The following SLIT1 variants were observed in gnomAD, a reference collection of about 807,000 sequenced individuals.
The protein encoded by SLIT1 is slit homolog 1 protein.
Under a neutral mutation model 186.1 loss-of-function variants are expected in SLIT1, and 66 were observed. That is an observed-to-expected ratio of 0.35 (90% CI 0.29 to 0.44). The LOEUF is 0.44. Ranked by LOEUF, SLIT1 falls within the 20% of genes least tolerant of loss-of-function variation. The pLI, the probability that SLIT1 is intolerant of heterozygous loss-of-function variation, is 1.00. For synonymous variants in SLIT1, 761 were observed against 833.8 expected (o/e 0.91, Z 1.50); for missense variants, 1,638 against 2,037.4 (o/e 0.80, Z 3.77).
chr10:97,155,586 T>C (rs979173986), intron 4 of SLIT1, among the ~76,000 whole-genome samples: 4 of 152,052 alleles, frequency 2.6e-5, no homozygotes, highest in Admixed American at 6.6e-5. Context: ...GTCTTGGAGA[T>C]TTTAAAATCA....
chr10:97,005,933 T>A (rs867336078), intron 32 of SLIT1, among the ~76,000 whole-genome samples: 2 of 152,206 alleles, frequency 1.3e-5, no homozygotes, highest in East Asian at 3.8e-4. Flanking sequence ...CTGTGCAATA[T>A]AAACCACTCT....
At chr10:97,173,897 G>A (rs185860372) in intron 1 of SLIT1, among the ~76,000 whole-genome samples, 1 of 152,166 alleles carries the variant, frequency 6.6e-6, no homozygotes, top group Non-Finnish European at 1.5e-5. Flanking sequence ...CTTGGCCCAG[G>A]GGGTAGAAGA....
chr10:97,019,621 G>T (rs1239238563), intron 26 of SLIT1, among the ~76,000 whole-genome samples: 2 of 152,282 alleles, frequency 1.3e-5, no homozygotes, highest in East Asian at 3.9e-4. Context: ...GGGAGCAGGG[G>T]TTGTTACCCT....
Position 97,001,012 on chromosome 10 carries a change from T to C in SLIT1, c.*100A>G. The C allele has an allele frequency of 1.1e-6, 1 of 950,474 alleles. No individual in the cohort carries two copies. The highest frequency in any genetic ancestry group is 1.6e-6 in the Non-Finnish European group (1 of 619,750). 58.9% of individuals were successfully genotyped at this position (950,474 alleles called of 1,614,324 possible). On this transcript the variant is annotated 3_prime_UTR_variant, in exon 37 of 37. Coordinates refer to ENST00000266058, the MANE Select transcript of SLIT1 (RefSeq NM_003061.3). ...GGGCCCAGCTGCCCAGGAGCCGTCC[T>C]GTGATGACCTGCACCCCAGCCCAGC...
chr10:97,046,915 C>A, intron 17 of SLIT1, 76 bp downstream of exon 17: 1 of 1,558,386 alleles, frequency 6.4e-7, no homozygotes, highest in Non-Finnish European at 8.8e-7. Flanking sequence ...GTGGGAGCTG[C>A]CCCCACCCTG....
At chr10:97,123,479 T>C (rs1427987581) in intron 4 of SLIT1, among the ~76,000 whole-genome samples, 1 of 152,154 alleles carries the variant, frequency 6.6e-6, no homozygotes, top group Non-Finnish European at 1.5e-5. Flanking sequence ...ACAAGCCCAA[T>C]GCTAGGCAAA....
Position 97,060,729 on chromosome 10 carries a change from G to A in SLIT1, c.852C>T (p.Ala284=), listed in dbSNP as rs1161370581. Residue 284 remains alanine, a synonymous_variant, in exon 9 of 37, where the codon GCC becomes GCT. Transcript: ENST00000266058. ...CGATGCCATTGCTGCAGGTGCACAT[G>A]GCCGGGCAGGAGCCGGAGGACAGGG... The part of the protein sequence containing the change: ...TCTLSSGSCP[A]MCTCSNGIVD... The A allele has an allele frequency of 4.3e-6, 7 of 1,613,712 alleles. No homozygotes were observed. The highest frequency in any genetic ancestry group is 5.9e-6 in the Non-Finnish European group (7 of 1,179,984).
intron 34 of SLIT1, 150 bp downstream of exon 34, chr10:97,003,918 A>G (rs1228902673): frequency 4.2e-6 from 3 of 709,178 alleles, no homozygotes; most frequent in Non-Finnish European, 4.8e-6. Flanking sequence ...GCTGGGCTCC[A>G]GGCAGCGAGG....
At chr10:97,067,059 C>A (rs1482614358) in intron 4 of SLIT1, among the ~76,000 whole-genome samples, 1 of 152,214 alleles carries the variant, frequency 6.6e-6, no homozygotes, top group Non-Finnish European at 1.5e-5. Flanking sequence ...GTAGCCCACC[C>A]AGATCTTTAG....
At chr10:97,164,356 C>T (rs565958340) in intron 2 of SLIT1, among the ~76,000 whole-genome samples, 2 of 152,212 alleles carry the variant, frequency 1.3e-5, no homozygotes, top group South Asian at 2.1e-4. Flanking sequence ...GAGAGGCTCC[C>T]GCTGGAGGCC....
Position 97,031,637 on chromosome 10 carries a change from C to A in SLIT1, c.2479G>T (p.Ala827Ser). 6.4e-7 allele frequency: 1 copy of A among 1,552,152 alleles called. No homozygotes were observed. Among genetic ancestry groups the A allele is most frequent in the Admixed American group, 2.0e-5 (1 of 51,054 alleles). Residue 827 changes from alanine to serine, a missense_variant, in exon 24 of 37, where the codon GCC becomes TCC. Ala to Ser is a moderately conservative substitution (Grantham distance 99). This residue lies in a region of SLIT1 where 1,245 missense variants were observed against 1,535.3 expected (regional missense o/e 0.81). Coordinates refer to ENST00000266058, the MANE Select transcript of SLIT1 (RefSeq NM_003061.3). The part of the protein sequence containing the change: ...YNALQCIPPL[A>S]FQGLRSLRLL... ...CGCAGGGAGCGGAGTCCCTGGAAGG[C>A]CAAAGGCGGGATGCACTGCAGGGCA... is the stretch of plus-strand genomic sequence containing the variant.
chr10:97,145,035 G>A, intron 4 of SLIT1, among the ~76,000 whole-genome samples: 1 of 152,156 alleles, frequency 6.6e-6, no homozygotes. Flanking sequence ...ACTTCCAACT[G>A]GAAGAGCCAG....
chr10:97,182,641 A>G (rs1439098522), intron 1 of SLIT1, among the ~76,000 whole-genome samples: 1 of 152,184 alleles, frequency 6.6e-6, no homozygotes, highest in Non-Finnish European at 1.5e-5. Context: ...CTGGCTTCCA[A>G]CTAGGAAGTT....
intron 4 of SLIT1, among the ~76,000 whole-genome samples, chr10:97,134,085 G>A (rs919027059): frequency 3.9e-5 from 6 of 152,134 alleles, no homozygotes; most frequent in African/African-American, 1.4e-4. Context: ...GGGCAGCCCT[G>A]AACCTCGGTC....
At position 97,022,568 on chromosome 10, in the gene SLIT1, C is replaced by T. The variant is rs372653208; in HGVS notation, c.2583-1155G>A. Among the ~76,000 whole-genome samples, 1 of 152,182 alleles carries T rather than the reference C, an allele frequency of 6.6e-6. No homozygotes were observed. Among genetic ancestry groups the T allele is most frequent in the East Asian group, 1.9e-4 (1 of 5,202 alleles). On this transcript the variant is annotated intron_variant, in intron 25 of 36. Transcript: ENST00000266058. This position sits in a 1 kb window ranked among gnomAD's most constrained non-coding sequence, Gnocchi z 4.2. ...TGTGACACTTATCATATGACTTATG[C>T]AATTGCCTTCTGATCCAGCCATTGT... is the stretch of plus-strand genomic sequence containing the variant.
In SLIT1 at chr10:97,089,165, G is replaced by T. The variant is rs142517965; in HGVS notation, c.414-23079C>A. 2.3e-3 allele frequency among the ~76,000 whole-genome samples: 348 copies of T among 152,306 alleles called. 1 individual carries two copies. The highest frequency in any genetic ancestry group is 7.7e-3 in the African/African-American group (319 of 41,576). ...ATCTGAGACAGAGAGAGAAAGGGAG[G>T]CAGTCCAGAGCCAGGAGACCAATGA... On this transcript the variant is annotated intron_variant, in intron 4 of 36. Coordinates refer to ENST00000266058, the MANE Select transcript of SLIT1 (RefSeq NM_003061.3).
chr10:97,106,971 G>T (rs1433624023), intron 4 of SLIT1, among the ~76,000 whole-genome samples: 1 of 152,230 alleles, frequency 6.6e-6, no homozygotes, highest in African/African-American at 2.4e-5. Flanking sequence ...AAATGTCAAG[G>T]CACACAGTAA....
chr10:97,172,586 C>T (rs1850204490), intron 1 of SLIT1, among the ~76,000 whole-genome samples: 1 of 152,090 alleles, frequency 6.6e-6, no homozygotes, highest in South Asian at 2.1e-4. Flanking sequence ...TTCTTTGTTT[C>T]CCTACTCCGA....
At chr10:97,109,173 A>C (rs1422007728) in intron 4 of SLIT1, among the ~76,000 whole-genome samples, 1 of 150,508 alleles carries the variant, frequency 6.6e-6, no homozygotes, top group Non-Finnish European at 1.5e-5. Flanking sequence ...ACATAAAGAG[A>C]CCTCATCTCC....
Sources: gnomAD v4.1 joint callset for allele counts (sites outside exome capture counted in the v4.1 genomes callset) on GRCh38, gnomAD v4.1.1 for gene constraint, gnomAD v4.1.1 regional missense constraint, Gnocchi (gnomAD v3.1) non-coding constraint, MANE v1.5 for transcripts, NCBI Gene and HGNC (gene_info 2026-07-23, HGNC 2026-07-21) for gene names.